Variants in SLC4A8 observed in about 807,000 individuals in gnomAD.
SLC4A8 encodes the protein solute carrier family 4 member 8, also known as electroneutral sodium bicarbonate exchanger 1.
Under a neutral mutation model 125.0 loss-of-function variants are expected in SLC4A8, and 40 were observed. The observed-to-expected ratio is 0.32, with a 90% CI of 0.25 to 0.42. The LOEUF (loss-of-function observed/expected upper bound fraction) is 0.42, where lower values mean the gene tolerates loss of function less well. SLC4A8 is among the 10% of genes least tolerant of loss of function. The pLI, the probability that SLC4A8 is intolerant of heterozygous loss-of-function variation, is 1.00. For synonymous variants in SLC4A8, 456 were observed against 476.0 expected, an observed-to-expected ratio of 0.96 and a Z score of 0.55; for missense variants, 863 against 1,355.1, an observed-to-expected ratio of 0.64 and a Z score of 5.70.
chr12:51,426,783 G>T (rs1347686255), intron 1 of SLC4A8, among the ~76,000 whole-genome samples: 1 of 152,074 alleles, frequency 6.6e-6, no homozygotes, highest in South Asian at 2.1e-4. Context: ...AGCCCATGCT[G>T]AGGAAGTTGA....
intron 10 of SLC4A8, 77 bp downstream of exon 10, chr12:51,462,533 G>A (rs946709269): frequency 1.7e-6 from 2 of 1,185,956 alleles, no homozygotes; most frequent in Admixed American, 2.6e-5. Flanking sequence ...AGACCATGTG[G>A]GTATATGCTA....
intron 8 of SLC4A8, 71 bp from the exon 9 acceptor site, chr12:51,461,133 C>A: frequency 1.5e-6 from 1 of 679,576 alleles, no homozygotes; most frequent in Non-Finnish European, 2.6e-6. Context: ...AAATCTTATA[C>A]TGTTTAGAGA....
At chr12:51,428,020 T>A (rs747263191) in intron 1 of SLC4A8, among the ~76,000 whole-genome samples, 8 of 152,120 alleles carry the variant, frequency 5.3e-5, no homozygotes, top group Non-Finnish European at 1.0e-4. Context: ...CAGGACTGCC[T>A]CTCCTCCACT....
At chr12:51,394,976 CTG>C (rs1268911067) in intron 1 of SLC4A8, among the ~76,000 whole-genome samples, 1 of 151,958 alleles carries the variant, frequency 6.6e-6, no homozygotes, top group Non-Finnish European at 1.5e-5. Flanking sequence ...CTGCGGCGAG[CTG>C]TGACTGCAAT....
intron 15 of SLC4A8, 144 bp from the exon 16 acceptor site, chr12:51,474,901 C>A: frequency 1.4e-6 from 1 of 724,480 alleles, no homozygotes; most frequent in Non-Finnish European, 2.3e-6. Context: ...CAGCACCCCG[C>A]AACTGCATAA....
intron 24 of SLC4A8, among the ~76,000 whole-genome samples, chr12:51,506,407 T>C (rs550705002): frequency 7.2e-5 from 11 of 152,282 alleles, no homozygotes; most frequent in South Asian, 2.1e-4. Flanking sequence ...CTGGTTTTTT[T>C]TTTCTTTCTT....
chr12:51,449,311 G>A (rs1257876866), intron 2 of SLC4A8, among the ~76,000 whole-genome samples: 1 of 151,878 alleles, frequency 6.6e-6, no homozygotes, highest in Non-Finnish European at 1.5e-5. Context: ...GGTGGTACAC[G>A]CCTGTGGTCC....
At chr12:51,472,531 A>G (rs758258277) in intron 14 of SLC4A8, among the ~76,000 whole-genome samples, 1 of 152,154 alleles carries the variant, frequency 6.6e-6, no homozygotes, top group East Asian at 1.9e-4. Flanking sequence ...TAGAGTTCTC[A>G]TTTCTGTAAG....
At chr12:51,474,916 C>T in intron 15 of SLC4A8, 129 bp from the exon 16 acceptor site, 4 of 826,662 alleles carry the variant, frequency 4.8e-6, no homozygotes, top group Non-Finnish European at 7.7e-6. Flanking sequence ...GCATAAAGGT[C>T]AAGGGGATGC....
intron 11 of SLC4A8, among the ~76,000 whole-genome samples, chr12:51,466,766 G>A (rs1353133643): frequency 6.6e-6 from 1 of 152,130 alleles, no homozygotes; most frequent in Non-Finnish European, 1.5e-5. Flanking sequence ...CCATCCATAT[G>A]AGCCTCAGAT....
At chr12:51,471,558 A>G (rs750860672) in intron 14 of SLC4A8, 26 bp downstream of exon 14, 1 of 1,604,120 alleles carries the variant, frequency 6.2e-7, no homozygotes, top group Non-Finnish European at 8.5e-7. Flanking sequence ...GCTTATTTTT[A>G]AAAATTGAGC....
chr12:51,448,409 C>T (rs151211756), intron 2 of SLC4A8, among the ~76,000 whole-genome samples: 36 of 152,150 alleles, frequency 2.4e-4, no homozygotes, highest in Non-Finnish European at 4.1e-4. Context: ...AGTATAAGAC[C>T]GATTTGAGAT....
rs1950355411 is a variant in SLC4A8 at position 51,462,354 on chromosome 12, C to T, written c.1146C>T (p.Leu382=). 1 of 1,613,868 alleles carries T rather than the reference C, an allele frequency of 6.2e-7. No homozygotes were observed. The change falls in exon 10 of 25, where the codon CTC becomes CTT. Residue 382 remains leucine (L), a synonymous_variant. Coordinates refer to ENST00000453097, the MANE Select transcript of SLC4A8 (RefSeq NM_001039960.3). ...VAYKAKERDD[L]LAGIDEFLDQ... ...ATAAGGCAAAAGAGCGAGATGATCT[C>T]CTGGCGGGGATTGATGAGTTCCTAG...
intron 1 of SLC4A8, among the ~76,000 whole-genome samples, chr12:51,393,899 C>T (rs1196326689): frequency 6.6e-6 from 1 of 152,216 alleles, no homozygotes. Context: ...TGCTTCTATT[C>T]TTGTCATGTG....
intron 15 of SLC4A8, chr12:51,474,671 G>T: frequency 1.4e-6 from 1 of 732,002 alleles, no homozygotes. Context: ...ATCCTACCCA[G>T]TGACCCTGCA....
intron 1 of SLC4A8, among the ~76,000 whole-genome samples, chr12:51,432,733 A>G (rs1949236846): frequency 6.6e-6 from 1 of 152,208 alleles, no homozygotes; most frequent in Non-Finnish European, 1.5e-5. Context: ...AAACAAACAA[A>G]CAAACAAAAA....
chr12:51,494,353 A>G (rs1258929801), intron 20 of SLC4A8: 2 of 152,650 alleles, frequency 1.3e-5, no homozygotes, highest in East Asian at 3.8e-4. Flanking sequence ...CAGATAATAT[A>G]ATAACTTAGG....
At chr12:51,394,535 T>G (rs890459561) in intron 1 of SLC4A8, among the ~76,000 whole-genome samples, 1 of 152,190 alleles carries the variant, frequency 6.6e-6, no homozygotes, top group Non-Finnish European at 1.5e-5. Context: ...AATGGTTTTT[T>G]AGGCTGGGAG....
chr12:51,476,556 A>G (rs1012304881), intron 16 of SLC4A8, among the ~76,000 whole-genome samples: 2 of 152,204 alleles, frequency 1.3e-5, no homozygotes, highest in African/African-American at 4.8e-5. Context: ...AGAAATTCAT[A>G]TTAGTGATGA....
Sources: allele counts gnomAD v4.1 joint callset (sites outside exome capture counted in the v4.1 genomes callset), GRCh38; gene constraint gnomAD v4.1.1; transcripts MANE v1.5; gene names NCBI Gene and HGNC (gene_info 2026-07-23, HGNC 2026-07-21).